Variants in CFAP47 observed in about 807,000 individuals in gnomAD.
CFAP47 encodes cilia- and flagella-associated protein 47.
A neutral mutation model predicts 148.1 loss-of-function variants in CFAP47; 29 were observed. The ratio of observed to expected loss-of-function variants is 0.20; its 90% CI spans 0.15 to 0.27. The LOEUF is 0.27. CFAP47 is among the 10% of genes least tolerant of loss of function. CFAP47 has a pLI of 1.00. For synonymous variants in CFAP47, 664 were observed against 577.3 expected (o/e 1.15, Z -2.15); for missense variants, 1,872 against 1,697.5 (o/e 1.10, Z -1.81).
In CFAP47 at chrX:36,149,319, G is replaced by C. The variant is rs1939276769; in HGVS notation, c.5786+96G>C. 4 of 272,236 alleles carry C rather than the reference G, an allele frequency of 1.5e-5. No homozygotes were observed. The Admixed American group carries it at 2.6e-4, about 18-fold the overall frequency. 22.4% of individuals were successfully genotyped at this position (272,236 alleles called of 1,213,427 possible). A position where few individuals can be genotyped will look rare whatever the true frequency, so the allele number is the denominator to read the frequency against. ...TGTGACTTTGATTTTAATATTGATA[G>C]ATATTTAATGAAACGATTGTCACTC... On this transcript the variant is annotated intron_variant, in intron 37 of 63. Coordinates refer to ENST00000378653, the MANE Select transcript of CFAP47 (RefSeq NM_001304548.2).
At chrX:36,191,507 A>G (rs1939865058) in intron 42 of CFAP47, among the ~76,000 whole-genome samples, 1 of 112,063 alleles carries the variant, frequency 8.9e-6, no homozygotes, top group Admixed American at 9.5e-5. Flanking sequence ...TTATACTGCT[A>G]TCAATTGAGA....
chrX:36,107,006 C>T (rs941640326), intron 33 of CFAP47, among the ~76,000 whole-genome samples: 1 of 111,594 alleles, frequency 9.0e-6, no homozygotes, highest in African/African-American at 3.3e-5. Context: ...AATGTAGGTT[C>T]ATCAGTTGTA....
At chrX:36,012,781 C>T (rs913791212) in intron 21 of CFAP47, among the ~76,000 whole-genome samples, 14 of 110,718 alleles carry the variant, frequency 1.3e-4, no homozygotes, top group African/African-American at 3.0e-4. Flanking sequence ...AGTATACCTA[C>T]GTAACAAATC....
chrX:36,298,013 G>A (rs1941259946), intron 51 of CFAP47, among the ~76,000 whole-genome samples: 2 of 108,174 alleles, frequency 1.8e-5, no homozygotes, highest in African/African-American at 6.8e-5. Context: ...ATTCCTCAGG[G>A]ATCTAGAACT....
intron 22 of CFAP47, among the ~76,000 whole-genome samples, chrX:36,019,199 T>G (rs1937130879): frequency 9.0e-6 from 1 of 111,653 alleles, no homozygotes; most frequent in African/African-American, 3.3e-5. Flanking sequence ...CTGAGCCTCT[T>G]AGAGACTCCA....
chrX:36,339,242 T>C (rs1487399340), intron 57 of CFAP47, among the ~76,000 whole-genome samples: 1 of 88,739 alleles, frequency 1.1e-5, no homozygotes, highest in African/African-American at 7.0e-5. Context: ...ATGAAGAAAA[T>C]CTCACTTATA....
rs773039867 is a variant in CFAP47, at chrX:35,993,265, G to C, written c.3043G>C (p.Val1015Leu). 1 of 294,782 alleles carries C rather than the reference G, an allele frequency of 3.4e-6. No homozygotes were observed. Among genetic ancestry groups the C allele is most frequent in the Non-Finnish European group, 5.9e-6 (1 of 169,349 alleles). 24.3% of individuals were successfully genotyped at this position (294,782 alleles called of 1,213,427 possible). A position where few individuals can be genotyped will look rare whatever the true frequency, so the allele number is the denominator to read the frequency against. ...AATAGTTCCATTTGGGGGAATAACT[G>C]TTCTCAATATCTCCTGTAAACCCAC... The part of the protein sequence containing the change: ...QGIVPFGGIT[V>L]LNISCKPTVA... Residue 1015 changes from valine (V) to leucine (L), a missense_variant, in exon 18 of 64, where the codon GTT (valine) becomes CTT (leucine). By Grantham distance (32) the Val-to-Leu change is conservative (BLOSUM62 1). Transcript: ENST00000378653.
intron 26 of CFAP47, among the ~76,000 whole-genome samples, chrX:36,049,581 A>T (rs1395349483): frequency 9.0e-6 from 1 of 110,821 alleles, no homozygotes. Flanking sequence ...AGTCTACTCA[A>T]TAAGTACTGA....
rs782100782 is a variant in CFAP47, at chrX:36,285,706, G to C, written c.7666G>C (p.Glu2556Gln). 13 of 1,152,939 alleles carry C rather than the reference G, an allele frequency of 1.1e-5. No homozygotes were observed. The East Asian group carries it at 2.9e-4, about 26-fold the overall frequency. ...TCCTGGACCACCCATAGAGATTATG[G>C]AAATGACATGTATTGCTCTGGTAAG... ...STPGPPIEIMEMTCIALDSTC... is the reference protein window; with the variant it reads ...STPGPPIEIMQMTCIALDSTC... Residue 2556 changes from glutamate to glutamine, a missense_variant, in exon 51 of 64, where the codon GAA becomes CAA. By Grantham distance (29) the Glu-to-Gln change is conservative (BLOSUM62 2). Transcript: ENST00000378653.
chrX:36,004,910 T>C (rs752942483), intron 21 of CFAP47, among the ~76,000 whole-genome samples: 82 of 111,812 alleles, frequency 7.3e-4, no homozygotes, highest in Non-Finnish European at 9.8e-4. Flanking sequence ...ATTAATGTAA[T>C]CTGTTTGCTG....
intron 57 of CFAP47, among the ~76,000 whole-genome samples, chrX:36,332,155 C>T (rs191047212): frequency 3.6e-5 from 4 of 111,151 alleles, no homozygotes; most frequent in African/African-American, 1.3e-4. Context: ...TGATTACTTC[C>T]AACCTTTATT....
chrX:36,174,866 A>G (rs1235042411), intron 39 of CFAP47, among the ~76,000 whole-genome samples: 1 of 110,917 alleles, frequency 9.0e-6, no homozygotes, highest in Non-Finnish European at 1.9e-5. Context: ...AGATTGGGGA[A>G]GTTCTCCTGG....
At position 36,098,122 on chromosome X, in the gene CFAP47, C is replaced by T. The variant is rs140044270; in HGVS notation, c.4917-671C>T. Among the ~76,000 whole-genome samples, 416 of 112,190 alleles carry T rather than the reference C, an allele frequency of 3.7e-3. 2 individuals carry two copies. Among genetic ancestry groups the T allele is most frequent in the Middle Eastern group, 9.2e-3 (2 of 218 alleles). ...GATGCATTCTTTAGTATGCCAATTA[C>T]ATTTTTCAACTCCAGAATTCCTACT... On this transcript the variant is annotated intron_variant, in intron 30 of 63. Coordinates refer to ENST00000378653, the MANE Select transcript of CFAP47 (RefSeq NM_001304548.2).
At chrX:36,072,434 GCCAAGGTTTCCTGTCTTAGAA>G (rs1937773444) in intron 28 of CFAP47, among the ~76,000 whole-genome samples, 1 of 112,035 alleles carries the variant, frequency 8.9e-6, no homozygotes, top group South Asian at 3.6e-4. Context: ...ACTAACTGTA[GCCAAGGTTTCCTGTCTTAGAA>G]AGAGGTCAGC....
At chrX:35,976,176 G>A (rs1003813948) in intron 15 of CFAP47, among the ~76,000 whole-genome samples, 8 of 110,528 alleles carry the variant, frequency 7.2e-5, no homozygotes, top group African/African-American at 2.6e-4. Flanking sequence ...ACATTTTAAG[G>A]AACTGGTTCT....
At chrX:36,102,615 C>T (rs996790811) in intron 32 of CFAP47, among the ~76,000 whole-genome samples, 1 of 111,135 alleles carries the variant, frequency 9.0e-6, no homozygotes, top group African/African-American at 3.3e-5. Flanking sequence ...TCAAGGGTCA[C>T]TTGCAGATCT....
At chrX:36,244,108 A>G (rs1569298276) in intron 48 of CFAP47, among the ~76,000 whole-genome samples, 1 of 111,316 alleles carries the variant, frequency 9.0e-6, no homozygotes, top group African/African-American at 3.3e-5. Flanking sequence ...ACATACATGA[A>G]AATTAAATAA....
At chrX:36,227,486 T>C (rs1424589457) in intron 45 of CFAP47, among the ~76,000 whole-genome samples, 1 of 109,994 alleles carries the variant, frequency 9.1e-6, no homozygotes, top group Non-Finnish European at 1.9e-5. Context: ...ACACATAAAC[T>C]CTTGTTTGAT....
intron 57 of CFAP47, among the ~76,000 whole-genome samples, chrX:36,331,218 T>G (rs1441534724): frequency 1.8e-5 from 2 of 111,837 alleles, no homozygotes; most frequent in Non-Finnish European, 3.8e-5. Context: ...TTAATATAAT[T>G]GATTTTTCTC....
Sources: gnomAD v4.1 joint callset for allele counts (sites outside exome capture counted in the v4.1 genomes callset) on GRCh38, gnomAD v4.1.1 for gene constraint, MANE v1.5 for transcripts, NCBI Gene and HGNC (gene_info 2026-07-23, HGNC 2026-07-21) for gene names.